Variants in CDC73 observed in about 807,000 individuals in gnomAD.
The protein encoded by CDC73 is cell division cycle 73.
Under a neutral mutation model 83.7 loss-of-function variants are expected in CDC73, and 21 were observed. The ratio of observed to expected loss-of-function variants is 0.25; its 90% CI spans 0.18 to 0.36. The LOEUF (loss-of-function observed/expected upper bound fraction) is 0.36. CDC73 is among the 10% of genes least tolerant of loss of function. CDC73 has a pLI of 1.00. For missense variants in CDC73, 342 were observed against 653.3 expected, an observed-to-expected ratio of 0.52 and a Z score of 5.19; for synonymous variants, 224 against 212.9, an observed-to-expected ratio of 1.05 and a Z score of -0.45.
chr1:193,146,425 A>G (rs1270649460), intron 7 of CDC73, among the ~76,000 whole-genome samples: 1 of 152,186 alleles, frequency 6.6e-6, no homozygotes. Flanking sequence ...TGGGAAATCC[A>G]AGAGCATAGC....
At chr1:193,172,313 A>G (rs1676529933) in intron 10 of CDC73, among the ~76,000 whole-genome samples, 1 of 151,422 alleles carries the variant, frequency 6.6e-6, no homozygotes, top group East Asian at 1.9e-4. Context: ...GATTTATAAC[A>G]GCATATGATA....
At position 193,250,839 on chromosome 1, in the gene CDC73, A is replaced by T. The variant is rs1553293076; in HGVS notation, c.*127A>T. 22 of 852,656 alleles carry T rather than the reference A, an allele frequency of 2.6e-5. No homozygotes were observed. In the South Asian group the frequency reaches 2.8e-4, roughly 11 times the overall value. 52.8% of individuals were successfully genotyped at this position (852,656 alleles called of 1,614,324 possible). A position where few individuals can be genotyped will look rare whatever the true frequency, so the allele number is the denominator to read the frequency against. ...TTATTTGATGCTTTGTGCTTCAAGG[A>T]GATGATACCTGTCATCCATATAAGC... On this transcript the variant is annotated 3_prime_UTR_variant, in exon 17 of 17. Transcript: ENST00000367435.
At chr1:193,189,078 C>T (rs751620807) in intron 10 of CDC73, among the ~76,000 whole-genome samples, 4 of 151,762 alleles carry the variant, frequency 2.6e-5, no homozygotes, top group African/African-American at 7.3e-5. Context: ...TTCAGCCTGC[C>T]GAGTACCTGG....
intron 11 of CDC73, among the ~76,000 whole-genome samples, chr1:193,204,822 C>T (rs1677159266): frequency 6.6e-6 from 1 of 151,922 alleles, no homozygotes; most frequent in Admixed American, 6.5e-5. Flanking sequence ...TATGTATATC[C>T]ATCCTTTCAT....
chr1:193,180,946 A>G, intron 10 of CDC73: 1 of 1,613,564 alleles, frequency 6.2e-7, no homozygotes, highest in Non-Finnish European at 8.5e-7. Context: ...GCTTTCTTCC[A>G]GTATTGCACG....
chr1:193,154,286 C>T (rs1676170501), intron 10 of CDC73, among the ~76,000 whole-genome samples: 2 of 152,122 alleles, frequency 1.3e-5, no homozygotes, highest in South Asian at 4.1e-4. Context: ...CATCCCTGTA[C>T]CTCTGAAATG....
intron 12 of CDC73, 44 bp downstream of exon 12, chr1:193,212,144 A>G (rs752333004): frequency 6.9e-7 from 1 of 1,441,812 alleles, no homozygotes; most frequent in South Asian, 1.2e-5. Context: ...TAAAAAGTAA[A>G]TGATTGCAAA....
chr1:193,245,256 ATC>A (rs1487064601), intron 15 of CDC73, among the ~76,000 whole-genome samples: 1 of 152,098 alleles, frequency 6.6e-6, no homozygotes, highest in Non-Finnish European at 1.5e-5. Flanking sequence ...GTCATAACAA[ATC>A]TCTCTGTATT....
rs779180488 is a variant in CDC73, at chr1:193,203,825, C to G, written c.1003C>G (p.Pro335Ala). 3.7e-6 allele frequency: 6 copies of G among 1,613,696 alleles called. No individual in the cohort carries two copies. ...TGCATCTGCCCGGAAGACTCAGACTCCTGCAGCCCAGCCAGTACCAAGACC... is the reference window on the plus strand; with the variant it reads ...TGCATCTGCCCGGAAGACTCAGACTGCTGCAGCCCAGCCAGTACCAAGACC... The part of the protein sequence containing the change: ...EGASARKTQT[P>A]AAQPVPRPVS... The change falls in exon 11 of 17, where the codon CCT (proline) becomes GCT (alanine). Residue 335 changes from proline to alanine, a missense_variant. Transcript: ENST00000367435.
Position 193,201,905 on chromosome 1 carries a change from G to T in CDC73, c.973-1890G>T, listed in dbSNP as rs547556072. ...ATATGCACATAATTTTTATTCTGGTGATTTTGAACTTAGGCCACTCTATTC... is the reference window on the plus strand; with the variant it reads ...ATATGCACATAATTTTTATTCTGGTTATTTTGAACTTAGGCCACTCTATTC... On this transcript the variant is annotated intron_variant, in intron 10 of 16. Coordinates refer to ENST00000367435, the MANE Select transcript of CDC73 (RefSeq NM_024529.5). Among the ~76,000 whole-genome samples the T allele has an allele frequency of 5.3e-5, 8 of 152,036 alleles. No homozygotes were observed. In the South Asian group the frequency reaches 1.7e-3, roughly 32 times the overall value.
chr1:193,135,522 C>G lies in CDC73; in HGVS notation c.371-15C>G. Reference sequence around the variant, plus strand: ...TCCAAAACTACACATTTATTTACTTCTCTTTCTTTTATAGTCAAACGAGCT... The same window carrying G: ...TCCAAAACTACACATTTATTTACTTGTCTTTCTTTTATAGTCAAACGAGCT... On this transcript the variant is annotated splice_polypyrimidine_tract_variant and intron_variant, in intron 4 of 16. Transcript: ENST00000367435. 1 of 1,613,142 alleles carries G rather than the reference C, an allele frequency of 6.2e-7. No homozygotes were observed. The highest frequency in any genetic ancestry group is 8.5e-7 in the Non-Finnish European group (1 of 1,179,190).
intron 14 of CDC73, among the ~76,000 whole-genome samples, chr1:193,233,801 T>G (rs1250762600): frequency 1.3e-5 from 2 of 152,168 alleles, no homozygotes; most frequent in African/African-American, 4.8e-5. Flanking sequence ...TTATCATGGT[T>G]TAACACTTTT....
chr1:193,213,367 ATT>A lies in CDC73; in HGVS notation c.1154+903_1154+904del, dbSNP rs11326996. On this transcript the variant is annotated intron_variant, in intron 13 of 16. Transcript: ENST00000367435. ...GTGTTGCAAATTTTTTCCTCAGTAG[ATT>A]TTTTTTTTTTTTAGTCATACTCATT... is the stretch of plus-strand genomic sequence containing the variant. Among the ~76,000 whole-genome samples, 1,073 of 148,458 alleles carry A rather than the reference ATT, an allele frequency of 7.2e-3. 7 individuals are homozygous for A. The highest frequency in any genetic ancestry group is 0.022 in the African/African-American group (906 of 40,660).
chr1:193,189,988 T>A (rs966597205), intron 10 of CDC73, among the ~76,000 whole-genome samples: 8 of 152,204 alleles, frequency 5.3e-5, no homozygotes, highest in African/African-American at 1.9e-4. Context: ...CTAATGGGAA[T>A]GAGCAAAATC....
chr1:193,130,104 C>A (rs1675668543), intron 2 of CDC73, 70 bp from the exon 3 acceptor site: 4 of 778,882 alleles, frequency 5.1e-6, no homozygotes, highest in Non-Finnish European at 9.3e-6. Flanking sequence ...TCAGACATTA[C>A]ATGTTAATAT....
At chr1:193,202,497 C>CATT (rs1677109042) in intron 10 of CDC73, among the ~76,000 whole-genome samples, 1 of 151,474 alleles carries the variant, frequency 6.6e-6, no homozygotes, top group Non-Finnish European at 1.5e-5. Context: ...ACAAACAATA[C>CATT]ATCTATGAAA....
intron 10 of CDC73, among the ~76,000 whole-genome samples, chr1:193,155,393 C>T (rs1572163320): frequency 6.6e-6 from 1 of 152,144 alleles, no homozygotes. Flanking sequence ...TCCAGAGGCC[C>T]AAGCCATGAA....
intron 13 of CDC73, among the ~76,000 whole-genome samples, chr1:193,231,063 A>G (rs749749315): frequency 3.3e-5 from 5 of 152,164 alleles, no homozygotes; most frequent in Non-Finnish European, 7.4e-5. Flanking sequence ...GTAGACCTGC[A>G]AAAGTTGAAA....
In CDC73 at chr1:193,178,622, A is replaced by AT. The variant is rs535897196; in HGVS notation, c.973-25172dup. 7.6e-3 allele frequency among the ~76,000 whole-genome samples: 1,157 copies of AT among 152,210 alleles called. 16 individuals are homozygous for AT. Among genetic ancestry groups the AT allele is most frequent in the African/African-American group, 0.026 (1,074 of 41,550 alleles). ...TGATCTGATTTGGTATTATCCCCTT[A>AT]TGTGTGACTTTTATTAAGTAATTCT... On this transcript the variant is annotated intron_variant, in intron 10 of 16. Coordinates refer to ENST00000367435, the MANE Select transcript of CDC73 (RefSeq NM_024529.5).
Sources: allele counts gnomAD v4.1 joint callset (sites outside exome capture counted in the v4.1 genomes callset), GRCh38; gene constraint gnomAD v4.1.1; transcripts MANE v1.5; gene names NCBI Gene and HGNC (gene_info 2026-07-23, HGNC 2026-07-21).